The following CTDSPL2 variants were observed in gnomAD, a reference collection of about 807,000 sequenced individuals.
CTDSPL2 encodes the protein CTD small phosphatase-like protein 2.
CTDSPL2 carries 5 observed loss-of-function variants against 60.0 expected under a neutral mutation model. The observed-to-expected ratio is 0.08, with a 90% CI of 0.04 to 0.18. The LOEUF is 0.18. CTDSPL2 is among the 10% of genes least tolerant of loss of function. The pLI, the probability that CTDSPL2 is intolerant of heterozygous loss-of-function variation, is 1.00. For synonymous variants in CTDSPL2, 186 were observed against 189.3 expected, an observed-to-expected ratio of 0.98 and a Z score of 0.14; for missense variants, 370 against 548.8, an observed-to-expected ratio of 0.67 and a Z score of 3.26.
intron 1 of CTDSPL2, among the ~76,000 whole-genome samples, chr15:44,456,575 G>A (rs1231772609): frequency 6.6e-6 from 1 of 152,086 alleles, no homozygotes; most frequent in African/African-American, 2.4e-5. Context: ...GTATTTCTGT[G>A]GAATCAGTGA....
intron 1 of CTDSPL2, among the ~76,000 whole-genome samples, chr15:44,428,908 A>G (rs969367098): frequency 4.2e-5 from 6 of 144,166 alleles, no homozygotes; most frequent in South Asian, 2.3e-4. Context: ...TTGCAGACCA[A>G]TTGTTCATAA....
In CTDSPL2 at chr15:44,526,193, C is replaced by T. The variant is rs1483528728; in HGVS notation, c.*2019C>T. 1 of 152,090 alleles carries T rather than the reference C, an allele frequency of 6.6e-6. No individual in the cohort carries two copies. The highest frequency in any genetic ancestry group is 2.4e-5 in the African/African-American group (1 of 41,422). 9.4% of individuals were successfully genotyped at this position (152,090 alleles called of 1,614,324 possible). On this transcript the variant is annotated 3_prime_UTR_variant, in exon 13 of 13. Coordinates refer to ENST00000260327, the MANE Select transcript of CTDSPL2 (RefSeq NM_016396.3). Reference sequence around the variant, plus strand: ...TACGTTACCTTTACATATGCTCTTGCTCAAAATTGTGAACCTAGTTACATT... The same window carrying T: ...TACGTTACCTTTACATATGCTCTTGTTCAAAATTGTGAACCTAGTTACATT...
chr15:44,431,677 TAGG>T (rs1270775042), intron 1 of CTDSPL2, among the ~76,000 whole-genome samples: 2 of 151,860 alleles, frequency 1.3e-5, no homozygotes, highest in Non-Finnish European at 2.9e-5. Flanking sequence ...TAAGGAAACA[TAGG>T]AGAGTTAAGT....
At chr15:44,491,080 G>T in intron 5 of CTDSPL2, 81 bp downstream of exon 5, 1 of 1,061,178 alleles carries the variant, frequency 9.4e-7, no homozygotes, top group Non-Finnish European at 1.4e-6. Flanking sequence ...TCTTAAATGA[G>T]CACATTATAT....
At chr15:44,448,958 CTT>C (rs2080277884) in intron 1 of CTDSPL2, 1 of 409,790 alleles carries the variant, frequency 2.4e-6, no homozygotes, top group African/African-American at 2.2e-5. Flanking sequence ...TTTTTTTCAT[CTT>C]TATCCTCAAG....
At chr15:44,519,148 T>C in intron 10 of CTDSPL2, 21 bp from the exon 11 acceptor site, 1 of 1,456,894 alleles carries the variant, frequency 6.9e-7, no homozygotes, top group African/African-American at 1.5e-5. Context: ...TTTTTTAATT[T>C]GTTTTTATTT....
intron 7 of CTDSPL2, among the ~76,000 whole-genome samples, 154 bp from the exon 8 acceptor site, chr15:44,499,573 C>G (rs897342754): frequency 1.3e-5 from 2 of 152,100 alleles, no homozygotes; most frequent in African/African-American, 4.8e-5. Context: ...GAAACTCCTA[C>G]CCCAAATTGC....
intron 1 of CTDSPL2, among the ~76,000 whole-genome samples, chr15:44,435,608 G>GTTT (rs1220492528): frequency 3.7e-5 from 5 of 133,776 alleles, no homozygotes; most frequent in African/African-American, 5.4e-5. Flanking sequence ...TTGTAGAGTT[G>GTTT]TTTTTTTTTT....
intron 5 of CTDSPL2, among the ~76,000 whole-genome samples, chr15:44,492,700 T>G (rs2081237195): frequency 6.6e-6 from 1 of 152,226 alleles, no homozygotes; most frequent in African/African-American, 2.4e-5. Flanking sequence ...TTTAAAGTCA[T>G]CAAGTGAAAG....
At chr15:44,491,855 T>C (rs1336497143) in intron 5 of CTDSPL2, among the ~76,000 whole-genome samples, 2 of 152,082 alleles carry the variant, frequency 1.3e-5, no homozygotes, top group African/African-American at 4.8e-5. Flanking sequence ...GAGACCAGCC[T>C]GGGCAAAAGA....
chr15:44,427,925 C>G, intron 1 of CTDSPL2, 153 bp downstream of exon 1: 1 of 367,860 alleles, frequency 2.7e-6, no homozygotes, highest in Non-Finnish European at 4.8e-6. Flanking sequence ...CCTCGTACGT[C>G]CACTGTGCGG....
chr15:44,434,651 C>G (rs1305928777), intron 1 of CTDSPL2, among the ~76,000 whole-genome samples: 2 of 152,156 alleles, frequency 1.3e-5, no homozygotes, highest in African/African-American at 4.8e-5. Context: ...CTAGGTGGGC[C>G]TTCCAAAGTG....
At chr15:44,486,072 C>A (rs568552132) in intron 3 of CTDSPL2, among the ~76,000 whole-genome samples, 1 of 152,308 alleles carries the variant, frequency 6.6e-6, no homozygotes, top group East Asian at 1.9e-4. Flanking sequence ...TTTGACACTG[C>A]TATATATAGC....
intron 12 of CTDSPL2, among the ~76,000 whole-genome samples, chr15:44,521,937 CAAAAAAAAAAAA>C (rs904398715): frequency 2.6e-4 from 16 of 60,778 alleles, no homozygotes; most frequent in South Asian, 1.1e-3. Context: ...GACTCCGTCT[CAAAAAAAAAAAA>C]AAAAAAAAAA....
intron 4 of CTDSPL2, among the ~76,000 whole-genome samples, chr15:44,490,093 T>C (rs2081190714): frequency 6.6e-6 from 1 of 152,170 alleles, no homozygotes; most frequent in Admixed American, 6.5e-5. Flanking sequence ...TAAAATGACA[T>C]TTGGAAGATT....
chr15:44,511,148 G>A (rs912190516), intron 8 of CTDSPL2, among the ~76,000 whole-genome samples: 2 of 152,100 alleles, frequency 1.3e-5, no homozygotes, highest in African/African-American at 4.8e-5. Context: ...TGGTGAATCT[G>A]TTCTGAGGAT....
intron 8 of CTDSPL2, among the ~76,000 whole-genome samples, chr15:44,512,802 A>G (rs145049912): frequency 2.1e-4 from 32 of 152,268 alleles, no homozygotes; most frequent in Non-Finnish European, 4.3e-4. Flanking sequence ...ATCAAGACTG[A>G]TAGGATTAGG....
chr15:44,431,873 A>G (rs1442696327), intron 1 of CTDSPL2, among the ~76,000 whole-genome samples: 2 of 150,770 alleles, frequency 1.3e-5, no homozygotes, highest in East Asian at 3.9e-4. Flanking sequence ...GCCCACCACG[A>G]CGGCCGGCTA....
intron 1 of CTDSPL2, among the ~76,000 whole-genome samples, chr15:44,444,962 CTCAGCCTCCCGAGTAGCT>C (rs1197253461): frequency 6.7e-6 from 1 of 149,580 alleles, no homozygotes; most frequent in Non-Finnish European, 1.5e-5. Flanking sequence ...ATTCTCCTGC[CTCAGCCTCCCGAGTAGCT>C]GGGACTACAG....
Sources: gnomAD v4.1 joint callset for allele counts (sites outside exome capture counted in the v4.1 genomes callset) on GRCh38, gnomAD v4.1.1 for gene constraint, MANE v1.5 for transcripts, NCBI Gene and HGNC (gene_info 2026-07-23, HGNC 2026-07-21) for gene names.